Variants in DLG5 observed in about 807,000 individuals in gnomAD.
The protein encoded by DLG5 is discs large MAGUK scaffold protein 5.
A neutral mutation model predicts 189.8 loss-of-function variants in DLG5; 48 were observed. That is an observed-to-expected ratio of 0.25 (90% CI 0.20 to 0.32). The LOEUF is 0.32. DLG5 is among the 10% of genes least tolerant of loss of function. The pLI is 1.00. For synonymous variants in DLG5, 1,016 were observed against 1,054.1 expected, an observed-to-expected ratio of 0.96 and a Z score of 0.70; for missense variants, 2,160 against 2,544.7, an observed-to-expected ratio of 0.85 and a Z score of 3.25.
intron 24 of DLG5, among the ~76,000 whole-genome samples, chr10:77,808,728 C>T (rs950953199): frequency 6.6e-6 from 1 of 152,210 alleles, no homozygotes; most frequent in Non-Finnish European, 1.5e-5. Context: ...CCTCAGGTTC[C>T]CTCAATGGCC....
At position 77,805,750 on chromosome 10, in the gene DLG5, G is replaced by A. The variant is rs1488193902; in HGVS notation, c.5079C>T (p.His1693=). The A allele has an allele frequency of 5.0e-6, 8 of 1,614,176 alleles. No individual in the cohort carries two copies. Among genetic ancestry groups the A allele is most frequent in the South Asian group, 2.2e-5 (2 of 91,080 alleles). Reference sequence around the variant, plus strand: ...CCTTGGACCCGCTGCGTTTGTGCTTGTGTTTCCTCCGAAAAAAGGACCGGC... The same window carrying A: ...CCTTGGACCCGCTGCGTTTGTGCTTATGTTTCCTCCGAAAAAAGGACCGGC... The part of the protein sequence containing the change: ...AARRSFFRRK[H]KHKRSGSKDG... Residue 1693 remains histidine, a synonymous_variant, in exon 27 of 32, where the codon CAC becomes CAT. Transcript: ENST00000372391.
At position 77,792,272 on chromosome 10, in the gene DLG5, G is replaced by A. The variant is rs987023642; in HGVS notation, c.*168C>T. Reference sequence around the variant, plus strand: ...GTGTGGGCCTGGGCCTGGATCGCACGCAGCCGTGGCCCTCTGTCTACAAAG... The same window carrying A: ...GTGTGGGCCTGGGCCTGGATCGCACACAGCCGTGGCCCTCTGTCTACAAAG... On this transcript the variant is annotated 3_prime_UTR_variant, in exon 32 of 32. Coordinates refer to ENST00000372391, the MANE Select transcript of DLG5 (RefSeq NM_004747.4). 6.9e-5 allele frequency: 46 copies of A among 662,602 alleles called. No homozygotes were observed. Among genetic ancestry groups the A allele is most frequent in the African/African-American group, 3.6e-5 (2 of 55,468 alleles). 41.0% of individuals were successfully genotyped at this position (662,602 alleles called of 1,614,324 possible).
intron 2 of DLG5, among the ~76,000 whole-genome samples, chr10:77,860,721 T>G (rs935491780): frequency 3.3e-5 from 5 of 152,326 alleles, no homozygotes; most frequent in African/African-American, 9.6e-5. Context: ...GGTTAAATAG[T>G]GTGTCCAGGT....
intron 3 of DLG5, among the ~76,000 whole-genome samples, chr10:77,854,915 G>A (rs1246168898): frequency 1.3e-5 from 2 of 151,280 alleles, no homozygotes; most frequent in African/African-American, 4.9e-5. Flanking sequence ...CTTGAGCCCA[G>A]GAGGTCGAGG....
At chr10:77,868,077 C>G in intron 2 of DLG5, 1 of 456,620 alleles carries the variant, frequency 2.2e-6, no homozygotes, top group South Asian at 1.5e-5. Flanking sequence ...TCCCTAGCGC[C>G]TTCAGCCTGC....
At chr10:77,862,541 G>GT (rs1471083275) in intron 2 of DLG5, among the ~76,000 whole-genome samples, 1 of 152,216 alleles carries the variant, frequency 6.6e-6, no homozygotes, top group African/African-American at 2.4e-5. Flanking sequence ...TCAGAAAACA[G>GT]TTTGACAGTT....
At chr10:77,843,018 A>T (rs898818940) in intron 6 of DLG5, among the ~76,000 whole-genome samples, 3 of 152,198 alleles carry the variant, frequency 2.0e-5, no homozygotes, top group African/African-American at 7.2e-5. Context: ...TCACATCTCT[A>T]AAGATGACAG....
chr10:77,880,602 T>C (rs1845249132), intron 1 of DLG5, among the ~76,000 whole-genome samples: 1 of 152,142 alleles, frequency 6.6e-6, no homozygotes. Flanking sequence ...AAGCTGAATC[T>C]GCACTCCACC....
At chr10:77,917,493 A>C (rs1217207400) in intron 1 of DLG5, among the ~76,000 whole-genome samples, 1 of 150,564 alleles carries the variant, frequency 6.6e-6, no homozygotes, top group Admixed American at 6.6e-5. Context: ...CATGCATTCC[A>C]GCCTGAGCAA....
intron 5 of DLG5, among the ~76,000 whole-genome samples, chr10:77,846,910 G>C (rs1485547961): frequency 6.6e-6 from 1 of 151,948 alleles, no homozygotes; most frequent in Non-Finnish European, 1.5e-5. Flanking sequence ...CATTCCAAAG[G>C]CAGCCTTGAA....
At chr10:77,852,559 G>A (rs1354011397) in intron 5 of DLG5, among the ~76,000 whole-genome samples, 1 of 151,902 alleles carries the variant, frequency 6.6e-6, no homozygotes, top group Non-Finnish European at 1.5e-5. Context: ...GGGACTACAG[G>A]TGCCCACCAC....
intron 7 of DLG5, among the ~76,000 whole-genome samples, chr10:77,838,220 G>A (rs183158785): frequency 2.8e-4 from 42 of 152,328 alleles, no homozygotes; most frequent in African/African-American, 8.9e-4. Context: ...AGCATGGGGG[G>A]CTGCCCTTCT....
At chr10:77,829,137 C>A in intron 12 of DLG5, 152 bp from the exon 13 acceptor site, 1 of 1,032,540 alleles carries the variant, frequency 9.7e-7, no homozygotes, top group South Asian at 1.6e-5. Flanking sequence ...TCCCACCAAT[C>A]GGGGGCTCAG....
rs553764647 is a variant in DLG5, at chr10:77,906,553, C to T, written c.304+19664G>A. On this transcript the variant is annotated intron_variant, in intron 1 of 31. Transcript: ENST00000372391. ...ATGCCATCAATCCCACCTTCTCCCA[C>T]TGGCTGAGGCTCCTCCCAAGGAGGT... 2.0e-5 allele frequency among the ~76,000 whole-genome samples: 3 copies of T among 152,020 alleles called. No homozygotes were observed. In the South Asian group the frequency reaches 6.3e-4, roughly 32 times the overall value.
intron 1 of DLG5, among the ~76,000 whole-genome samples, chr10:77,896,191 G>A (rs1845753849): frequency 6.6e-6 from 1 of 151,442 alleles, no homozygotes; most frequent in Non-Finnish European, 1.5e-5. Flanking sequence ...TCATAACAAC[G>A]TGTTCTAACA....
At chr10:77,919,165 G>A (rs1193640119) in intron 1 of DLG5, among the ~76,000 whole-genome samples, 3 of 152,040 alleles carry the variant, frequency 2.0e-5, no homozygotes, top group South Asian at 2.1e-4. Context: ...GCAGTAAGCT[G>A]AGATTGCACC....
chr10:77,890,040 G>A (rs1845560247), intron 1 of DLG5, among the ~76,000 whole-genome samples: 1 of 152,058 alleles, frequency 6.6e-6, no homozygotes, highest in African/African-American at 2.4e-5. Context: ...TCAGCACAAA[G>A]CCACAACAAA....
chr10:77,865,884 C>A (rs999317217), intron 2 of DLG5, among the ~76,000 whole-genome samples: 5 of 152,086 alleles, frequency 3.3e-5, no homozygotes, highest in Non-Finnish European at 7.4e-5. Context: ...CCCGACAGAC[C>A]GCCTGAGAGA....
intron 13 of DLG5, among the ~76,000 whole-genome samples, chr10:77,826,367 A>G (rs1040414883): frequency 6.6e-6 from 1 of 152,178 alleles, no homozygotes; most frequent in Non-Finnish European, 1.5e-5. Context: ...GGTGGCTCAC[A>G]CCTGTAATCC....
Sources: allele counts gnomAD v4.1 joint callset (sites outside exome capture counted in the v4.1 genomes callset), GRCh38; gene constraint gnomAD v4.1.1; transcripts MANE v1.5; gene names NCBI Gene and HGNC (gene_info 2026-07-23, HGNC 2026-07-21).